The following NAALADL2 variants were observed in gnomAD, a reference collection of about 807,000 sequenced individuals.
NAALADL2 encodes the protein inactive N-acetylated-alpha-linked acidic dipeptidase-like protein 2.
In NAALADL2, 76 loss-of-function variants were observed where a neutral mutation model predicts 87.2. That is an observed-to-expected ratio of 0.87 (90% CI 0.72 to 1.05). The LOEUF is 1.05. Ranked by LOEUF, NAALADL2 falls within the 50% of genes least tolerant of loss-of-function variation. NAALADL2 has a pLI of 0.00. For missense variants in NAALADL2, 1,089 were observed against 945.8 expected (o/e 1.15, Z -1.99); for synonymous variants, 354 against 331.0 (o/e 1.07, Z -0.75).
At chr3:174,581,915 GT>G (rs1716205311) in intron 2 of NAALADL2, among the ~76,000 whole-genome samples, 1 of 152,194 alleles carries the variant, frequency 6.6e-6, no homozygotes, top group South Asian at 2.1e-4. Flanking sequence ...TCTCTATTGT[GT>G]TAAGCCATGA....
intron 3 of NAALADL2, among the ~76,000 whole-genome samples, chr3:174,781,999 A>G (rs898526653): frequency 7.9e-5 from 12 of 152,262 alleles, no homozygotes; most frequent in Non-Finnish European, 1.6e-4. Context: ...GTACAAGATC[A>G]TGTTTCTTTT....
chr3:175,529,634 C>T (rs1733848061), intron 9 of NAALADL2, among the ~76,000 whole-genome samples: 1 of 152,168 alleles, frequency 6.6e-6, no homozygotes, highest in Non-Finnish European at 1.5e-5. Context: ...ACCATTCTGT[C>T]AATCCAGCTG....
At chr3:174,808,678 C>A (rs997022871) in intron 3 of NAALADL2, among the ~76,000 whole-genome samples, 4 of 151,876 alleles carry the variant, frequency 2.6e-5, no homozygotes, top group African/African-American at 9.7e-5. Context: ...TTATTTTCCC[C>A]TAGAGAGAAA....
At chr3:174,981,902 A>G (rs78195657) in intron 1 of NAALADL2, among the ~76,000 whole-genome samples, 16,380 of 152,122 alleles carry the variant, frequency 0.11, 2,168 homozygotes, top group African/African-American at 0.31. Context: ...ATGGTGAAAG[A>G]AAGGCCGAAA....
In NAALADL2 at chr3:175,310,442, G is replaced by A. The variant is rs938560121; in HGVS notation, c.940-13733G>A. The stretch of plus-strand genomic sequence containing the variant: ...AATGTTGATTCTTATACACATTGAC[G>A]TATCAGAAAATGATGTATGTCACTA... On this transcript the variant is annotated intron_variant, in intron 4 of 13. Coordinates refer to ENST00000454872, the MANE Select transcript of NAALADL2 (RefSeq NM_207015.3). 8.6e-5 allele frequency among the ~76,000 whole-genome samples: 13 copies of A among 151,802 alleles called. No homozygotes were observed. The South Asian group carries it at 1.2e-3, about 15-fold the overall frequency.
At chr3:175,225,941 G>A (rs1401915528) in intron 2 of NAALADL2, among the ~76,000 whole-genome samples, 2 of 151,980 alleles carry the variant, frequency 1.3e-5, no homozygotes, top group Non-Finnish European at 2.9e-5. Flanking sequence ...TTTTTTTCTG[G>A]CACAGGTAAT....
At chr3:174,786,901 G>C (rs1395786989) in intron 3 of NAALADL2, among the ~76,000 whole-genome samples, 2 of 152,010 alleles carry the variant, frequency 1.3e-5, no homozygotes, top group Admixed American at 1.3e-4. Flanking sequence ...TAGATATTCT[G>C]ATATGAAGTT....
At chr3:175,467,370 GACCTTCAA>G (rs76733066) in intron 8 of NAALADL2, among the ~76,000 whole-genome samples, 186 bp downstream of exon 8, 17,837 of 152,076 alleles carry the variant, frequency 0.12, 1,513 homozygotes, top group African/African-American at 0.24. Context: ...AACTACGTAT[GACCTTCAA>G]ATATCTTACC....
intron 1 of NAALADL2, among the ~76,000 whole-genome samples, chr3:174,919,679 T>A (rs1214085854): frequency 6.6e-6 from 1 of 152,168 alleles, no homozygotes; most frequent in Non-Finnish European, 1.5e-5. Context: ...TATTTTAACC[T>A]CCTCCCGTAA....
chr3:174,561,703 C>A (rs1053181177), intron 2 of NAALADL2, among the ~76,000 whole-genome samples: 12 of 152,162 alleles, frequency 7.9e-5, no homozygotes, highest in African/African-American at 2.4e-4. Context: ...AGAAGCCTGA[C>A]TAGAGATGCC....
chr3:174,840,587 ATGT>A (rs1723916609), intron 3 of NAALADL2, among the ~76,000 whole-genome samples: 1 of 152,136 alleles, frequency 6.6e-6, no homozygotes, highest in African/African-American at 2.4e-5. Flanking sequence ...AGTTGTTCAC[ATGT>A]TGTGAGCTCC....
At chr3:174,605,988 C>G (rs1719009173) in intron 2 of NAALADL2, among the ~76,000 whole-genome samples, 1 of 152,190 alleles carries the variant, frequency 6.6e-6, no homozygotes, top group Non-Finnish European at 1.5e-5. Flanking sequence ...GAGGAACGAT[C>G]AGACAGCAGC....
At chr3:174,530,750 C>G (rs186978766) in intron 1 of NAALADL2, among the ~76,000 whole-genome samples, 11 of 152,268 alleles carry the variant, frequency 7.2e-5, no homozygotes, top group African/African-American at 2.6e-4. Flanking sequence ...TACTTACCCC[C>G]CACCGGGTCC....
intron 4 of NAALADL2, among the ~76,000 whole-genome samples, chr3:175,300,291 A>G (rs1394950566): frequency 1.3e-5 from 2 of 152,126 alleles, no homozygotes; most frequent in Non-Finnish European, 2.9e-5. Context: ...TATCAGGATG[A>G]TGCTGGCCTC....
chr3:174,518,016 G>T (rs1468101034), intron 1 of NAALADL2, among the ~76,000 whole-genome samples: 1 of 152,070 alleles, frequency 6.6e-6, no homozygotes, highest in Non-Finnish European at 1.5e-5. Flanking sequence ...TTAACAGATG[G>T]TATCCATGCT....
At chr3:174,582,340 A>G (rs1362963103) in intron 2 of NAALADL2, among the ~76,000 whole-genome samples, 1 of 152,228 alleles carries the variant, frequency 6.6e-6, no homozygotes, top group Non-Finnish European at 1.5e-5. Context: ...ATGCTGCAAA[A>G]TATAAACATA....
chr3:175,138,179 G>A (rs919963976), intron 2 of NAALADL2, among the ~76,000 whole-genome samples: 1 of 152,118 alleles, frequency 6.6e-6, no homozygotes, highest in Non-Finnish European at 1.5e-5. Flanking sequence ...GAAGACTGAG[G>A]TTCAAAAAGT....
At chr3:175,078,616 C>A (rs923280108) in intron 1 of NAALADL2, among the ~76,000 whole-genome samples, 5 of 152,170 alleles carry the variant, frequency 3.3e-5, no homozygotes, top group African/African-American at 1.2e-4. Flanking sequence ...GCCCCAGCCC[C>A]ATGCAACCAG....
intron 1 of NAALADL2, among the ~76,000 whole-genome samples, chr3:174,918,049 C>T (rs1177285266): frequency 3.3e-5 from 5 of 151,980 alleles, no homozygotes; most frequent in Non-Finnish European, 7.4e-5. Context: ...TGTTTAGAAA[C>T]ATCCACTGCA....
Sources: gnomAD v4.1 joint callset for allele counts (sites outside exome capture counted in the v4.1 genomes callset) on GRCh38, gnomAD v4.1.1 for gene constraint, MANE v1.5 for transcripts, NCBI Gene and HGNC (gene_info 2026-07-23, HGNC 2026-07-21) for gene names.